Variants in DENND4A observed in about 807,000 individuals in gnomAD.
DENND4A encodes the protein DENN domain containing 4A.
DENND4A carries 70 observed loss-of-function variants against 199.3 expected under a neutral mutation model. The ratio of observed to expected loss-of-function variants is 0.35; its 90% CI spans 0.29 to 0.43. The LOEUF is 0.43. DENND4A is among the 20% of genes least tolerant of loss of function. DENND4A has a pLI of 1.00. For synonymous variants in DENND4A, 686 were observed against 766.9 expected, an observed-to-expected ratio of 0.89 and a Z score of 1.74; for missense variants, 1,723 against 2,255.8, an observed-to-expected ratio of 0.76 and a Z score of 4.78.
At chr15:65,746,369 C>CTTTT (rs573935476) in intron 4 of DENND4A, among the ~76,000 whole-genome samples, 599 of 51,352 alleles carry the variant, frequency 0.012, 66 homozygotes, top group Middle Eastern at 0.062. Context: ...ACTTTTTTCT[C>CTTTT]TTTTTTTTTT....
At chr15:65,752,315 A>AAT in intron 4 of DENND4A, 64 bp downstream of exon 4, 1 of 239,252 alleles carries the variant, frequency 4.2e-6, no homozygotes, top group Non-Finnish European at 7.5e-6. Flanking sequence ...AAAAAAAAAG[A>AAT]TGTATTTAAA....
At chr15:65,782,161 T>C (rs571560520) in intron 1 of DENND4A, among the ~76,000 whole-genome samples, 13 of 152,312 alleles carry the variant, frequency 8.5e-5, no homozygotes, top group South Asian at 4.1e-4. Context: ...ACCTCACATA[T>C]AGTAAGTGTT....
intron 1 of DENND4A, among the ~76,000 whole-genome samples, chr15:65,773,546 G>C (rs886597397): frequency 6.6e-6 from 1 of 152,164 alleles, no homozygotes; most frequent in Non-Finnish European, 1.5e-5. Context: ...GAGGAGAGAT[G>C]GAAGGGGATT....
intron 1 of DENND4A, among the ~76,000 whole-genome samples, chr15:65,777,247 C>G (rs1384148156): frequency 7.9e-5 from 12 of 152,154 alleles, no homozygotes; most frequent in Admixed American, 7.2e-4. Context: ...CTTCATGAGT[C>G]TTGGCTGTAC....
chr15:65,729,024 G>T, intron 11 of DENND4A, 48 bp downstream of exon 11: 1 of 1,465,828 alleles, frequency 6.8e-7, no homozygotes, highest in Non-Finnish European at 9.4e-7. Context: ...ACATACATAT[G>T]CTACAAAGTT....
intron 26 of DENND4A, 21 bp from the exon 27 acceptor site, chr15:65,669,946 A>T: frequency 6.2e-7 from 1 of 1,611,258 alleles, no homozygotes; most frequent in African/African-American, 1.3e-5. Flanking sequence ...AATCGAAGGA[A>T]CTTTTTGAGA....
intron 14 of DENND4A, among the ~76,000 whole-genome samples, chr15:65,707,572 T>C (rs1306133028): frequency 6.6e-6 from 1 of 152,142 alleles, no homozygotes; most frequent in Non-Finnish European, 1.5e-5. Flanking sequence ...GGTATATCCA[T>C]ACAGTGAACT....
At chr15:65,695,941 A>G (rs899466860) in intron 22 of DENND4A, among the ~76,000 whole-genome samples, 4 of 152,096 alleles carry the variant, frequency 2.6e-5, no homozygotes, top group African/African-American at 9.7e-5. Flanking sequence ...GACCGTGAAA[A>G]GAAAAATTAT....
intron 1 of DENND4A, chr15:65,771,582 C>T: frequency 6.2e-7 from 1 of 1,612,818 alleles, no homozygotes; most frequent in Non-Finnish European, 8.5e-7. Flanking sequence ...AAACCTCCAT[C>T]TCCTCTTTCC....
intron 14 of DENND4A, among the ~76,000 whole-genome samples, chr15:65,707,836 C>T (rs1251877922): frequency 6.6e-6 from 1 of 152,064 alleles, no homozygotes; most frequent in African/African-American, 2.4e-5. Context: ...CAAGTGCGTG[C>T]CACCACACCC....
intron 4 of DENND4A, among the ~76,000 whole-genome samples, chr15:65,746,036 G>C (rs1596584007): frequency 1.3e-5 from 2 of 151,780 alleles, no homozygotes; most frequent in African/African-American, 4.8e-5. Context: ...AGCTACGCAG[G>C]AGGCTGAGGC....
chr15:65,694,820 T>C (rs991912383), intron 22 of DENND4A, among the ~76,000 whole-genome samples: 2 of 152,208 alleles, frequency 1.3e-5, no homozygotes, highest in African/African-American at 4.8e-5. Flanking sequence ...TCTACACTTT[T>C]ATAAAATTCA....
At chr15:65,757,265 G>T (rs866204948) in intron 2 of DENND4A, among the ~76,000 whole-genome samples, 3 of 134,402 alleles carry the variant, frequency 2.2e-5, no homozygotes, top group Admixed American at 7.1e-5. Flanking sequence ...TCTGAGATGG[G>T]GGGGGGGGGG....
At chr15:65,745,319 T>C (rs1188534226) in intron 4 of DENND4A, among the ~76,000 whole-genome samples, 3 of 152,178 alleles carry the variant, frequency 2.0e-5, no homozygotes, top group African/African-American at 4.8e-5. Flanking sequence ...TAAAATAATA[T>C]GTCTGGCTAT....
At chr15:65,752,315 A>AATTT in intron 4 of DENND4A, 64 bp downstream of exon 4, 1 of 239,252 alleles carries the variant, frequency 4.2e-6, no homozygotes, top group Non-Finnish European at 7.5e-6. Flanking sequence ...AAAAAAAAAG[A>AATTT]TGTATTTAAA....
chr15:65,720,524 G>C (rs1227935820), intron 12 of DENND4A, among the ~76,000 whole-genome samples: 1 of 151,384 alleles, frequency 6.6e-6, no homozygotes, highest in Non-Finnish European at 1.5e-5. Flanking sequence ...CTATTCTCCA[G>C]CCTCAGCCTC....
chr15:65,721,277 G>T (rs976879549), intron 12 of DENND4A, among the ~76,000 whole-genome samples: 1 of 151,878 alleles, frequency 6.6e-6, no homozygotes, highest in Non-Finnish European at 1.5e-5. Flanking sequence ...TATGTAATTT[G>T]TTTAATATCC....
intron 4 of DENND4A, among the ~76,000 whole-genome samples, chr15:65,746,090 G>A (rs979786181): frequency 6.6e-6 from 1 of 150,638 alleles, no homozygotes; most frequent in Non-Finnish European, 1.5e-5. Context: ...GCGGTGTGCA[G>A]AGATCATACC....
intron 11 of DENND4A, among the ~76,000 whole-genome samples, chr15:65,723,580 T>C (rs1263541546): frequency 6.6e-6 from 1 of 152,156 alleles, no homozygotes; most frequent in Non-Finnish European, 1.5e-5. Context: ...TTCCCCCTTA[T>C]CTGTAGAGGA....
Sources: allele counts gnomAD v4.1 joint callset (sites outside exome capture counted in the v4.1 genomes callset), GRCh38; gene constraint gnomAD v4.1.1; transcripts MANE v1.5; gene names NCBI Gene and HGNC (gene_info 2026-07-23, HGNC 2026-07-21).